The following WWOX variants were observed in gnomAD, a reference collection of about 807,000 sequenced individuals.
WWOX encodes the protein WW domain-containing oxidoreductase.
WWOX carries 69 observed loss-of-function variants against 46.2 expected under a neutral mutation model. The ratio of observed to expected loss-of-function variants is 1.49; its 90% CI spans 1.23 to 1.82. The LOEUF (loss-of-function observed/expected upper bound fraction) is 1.82, where lower values mean the gene tolerates loss of function less well. Among genes scored for constraint, WWOX ranks in the 40% most tolerant of loss-of-function variants. The pLI is 0.00. For missense variants in WWOX, 919 were observed against 542.6 expected (o/e 1.69, Z -6.89); for synonymous variants, 359 against 202.6 (o/e 1.77, Z -6.56).
At chr16:78,149,488 A>T (rs2034323466) in intron 4 of WWOX, among the ~76,000 whole-genome samples, 2 of 152,190 alleles carry the variant, frequency 1.3e-5, no homozygotes, top group Admixed American at 1.3e-4. Flanking sequence ...CCAATGCATC[A>T]CTGTCTGGGA....
At chr16:79,005,815 T>C (rs957499338) in intron 8 of WWOX, among the ~76,000 whole-genome samples, 7 of 152,182 alleles carry the variant, frequency 4.6e-5, no homozygotes, top group Non-Finnish European at 1.0e-4. Flanking sequence ...AGGGACCCTT[T>C]CAGGCCACCA....
chr16:79,131,923 G>A (rs2049886287), intron 8 of WWOX, among the ~76,000 whole-genome samples: 1 of 152,028 alleles, frequency 6.6e-6, no homozygotes, highest in Admixed American at 6.6e-5. Flanking sequence ...GCTTGTTCAG[G>A]GAAACCCCTG....
intron 8 of WWOX, among the ~76,000 whole-genome samples, chr16:78,925,984 G>A (rs144229641): frequency 1.3e-5 from 2 of 152,236 alleles, no homozygotes; most frequent in Non-Finnish European, 2.9e-5. Flanking sequence ...AGGGAGAAGG[G>A]AAGGGATGTG....
At chr16:78,593,651 C>G (rs1456723335) in intron 8 of WWOX, among the ~76,000 whole-genome samples, 2 of 152,006 alleles carry the variant, frequency 1.3e-5, no homozygotes, top group Non-Finnish European at 2.9e-5. Context: ...CTTCACCACA[C>G]ACAGCTAAGC....
chr16:78,942,658 A>G (rs2045875457), intron 8 of WWOX, among the ~76,000 whole-genome samples: 1 of 152,320 alleles, frequency 6.6e-6, no homozygotes, highest in Non-Finnish European at 1.5e-5. Context: ...GCATGAAGAG[A>G]AAATGGAATG....
chr16:78,593,265 T>C (rs946539036), intron 8 of WWOX, among the ~76,000 whole-genome samples: 4 of 152,026 alleles, frequency 2.6e-5, no homozygotes, highest in Non-Finnish European at 5.9e-5. Flanking sequence ...GGTCTTAAAC[T>C]CCTGGCCTCA....
intron 8 of WWOX, among the ~76,000 whole-genome samples, chr16:78,575,488 G>A (rs1002734827): frequency 6.6e-6 from 1 of 151,950 alleles, no homozygotes; most frequent in Non-Finnish European, 1.5e-5. Flanking sequence ...TCTGCATGGA[G>A]GACAAGAAGG....
intron 8 of WWOX, among the ~76,000 whole-genome samples, chr16:78,793,126 G>A (rs2050648741): frequency 6.6e-6 from 1 of 152,178 alleles, no homozygotes; most frequent in East Asian, 1.9e-4. Flanking sequence ...AGGCTGGAGT[G>A]AAGTGATGCA....
At chr16:78,859,306 C>A (rs1022236165) in intron 8 of WWOX, among the ~76,000 whole-genome samples, 1 of 151,712 alleles carries the variant, frequency 6.6e-6, no homozygotes, top group Non-Finnish European at 1.5e-5. Flanking sequence ...TTTTTCCCCC[C>A]TGCTGAATTC....
At chr16:78,426,179 G>C (rs774982364) in intron 7 of WWOX, among the ~76,000 whole-genome samples, 1 of 152,176 alleles carries the variant, frequency 6.6e-6, no homozygotes, top group Non-Finnish European at 1.5e-5. Context: ...ACAAAATCTG[G>C]ACAGCCTTAT....
chr16:78,922,330 GCAAA>G (rs982324740), intron 8 of WWOX, among the ~76,000 whole-genome samples: 10 of 151,816 alleles, frequency 6.6e-5, no homozygotes, highest in African/African-American at 2.2e-4. Context: ...AGGTGCCCAA[GCAAA>G]CAAAGACTCT....
At chr16:78,775,665 C>T (rs897255082) in intron 8 of WWOX, among the ~76,000 whole-genome samples, 1 of 152,144 alleles carries the variant, frequency 6.6e-6, no homozygotes, top group African/African-American at 2.4e-5. Flanking sequence ...GGGACAGGAG[C>T]CTTAGTAATA....
intron 8 of WWOX, among the ~76,000 whole-genome samples, chr16:79,164,307 G>A (rs927500748): frequency 1.3e-5 from 2 of 152,136 alleles, no homozygotes; most frequent in African/African-American, 4.8e-5. Flanking sequence ...AAATGTTGCT[G>A]GTTAACCAGT....
chr16:78,519,478 A>G (rs534358970), intron 8 of WWOX, among the ~76,000 whole-genome samples: 5 of 151,568 alleles, frequency 3.3e-5, no homozygotes, highest in African/African-American at 1.2e-4. Flanking sequence ...CATTTATATT[A>G]TACATCTATG....
chr16:78,677,556 G>A (rs1469180754), intron 8 of WWOX, among the ~76,000 whole-genome samples: 1 of 152,116 alleles, frequency 6.6e-6, no homozygotes, highest in Non-Finnish European at 1.5e-5. Context: ...GAATAGTTAT[G>A]GGTCCTTTCA....
intron 8 of WWOX, among the ~76,000 whole-genome samples, chr16:78,516,479 C>G (rs1325212822): frequency 1.3e-5 from 2 of 152,178 alleles, no homozygotes; most frequent in Non-Finnish European, 2.9e-5. Context: ...GCTTTCCAGA[C>G]ATTTGGAAAC....
At chr16:78,550,927 A>T (rs1057502616) in intron 8 of WWOX, 2 of 152,206 alleles carry the variant, frequency 1.3e-5, no homozygotes, top group Non-Finnish European at 2.9e-5. Context: ...GCATTAATTG[A>T]TAAATCCACT....
In WWOX at chr16:79,165,708, T is replaced by C. The variant is rs75765748; in HGVS notation, c.1057-45900T>C. Among the ~76,000 whole-genome samples the C allele has an allele frequency of 2.9e-3, 446 of 152,302 alleles. 2 individuals are homozygous for C. Among genetic ancestry groups the C allele is most frequent in the African/African-American group, 1.0e-2 (415 of 41,568 alleles). ...CCCAGTCCATGATTTCTTATTTGACTCTGTCCTGTTTACTCTGTCAGGGTG... is the reference window on the plus strand; with the variant it reads ...CCCAGTCCATGATTTCTTATTTGACCCTGTCCTGTTTACTCTGTCAGGGTG... On this transcript the variant is annotated intron_variant, in intron 8 of 8. Transcript: ENST00000566780.
intron 7 of WWOX, among the ~76,000 whole-genome samples, chr16:78,427,929 G>T (rs1236080610): frequency 6.6e-6 from 1 of 152,168 alleles, no homozygotes. Context: ...TTAGCCAGGT[G>T]TGGTGGTGCA....
Sources: allele counts gnomAD v4.1 joint callset (sites outside exome capture counted in the v4.1 genomes callset), GRCh38; gene constraint gnomAD v4.1.1; transcripts MANE v1.5; gene names NCBI Gene and HGNC (gene_info 2026-07-23, HGNC 2026-07-21).